LRFN5: variants seen among roughly 807,000 people sequenced by gnomAD.
The protein encoded by LRFN5 is leucine-rich repeat and fibronectin type-III domain-containing protein 5.
In LRFN5, 24 loss-of-function variants were observed where a neutral mutation model predicts 45.6. That is an observed-to-expected ratio of 0.53 (90% CI 0.38 to 0.74). The LOEUF (loss-of-function observed/expected upper bound fraction) is 0.74. LRFN5 is among the 30% of genes least tolerant of loss of function. The probability of loss-of-function intolerance (pLI) is 0.00; values close to 1 mark genes in which losing one functional copy is unlikely to be tolerated. For missense variants in LRFN5, 776 were observed against 861.5 expected, an observed-to-expected ratio of 0.90 and a Z score of 1.24; for synonymous variants, 340 against 313.8, an observed-to-expected ratio of 1.08 and a Z score of -0.88.
At chr14:41,860,376 TTTTG>T (rs1889619080) in intron 2 of LRFN5, among the ~76,000 whole-genome samples, 1 of 152,176 alleles carries the variant, frequency 6.6e-6, no homozygotes, top group African/African-American at 2.4e-5. Flanking sequence ...CCAATCTTAG[TTTTG>T]TTTTAGATTT....
chr14:41,705,957 C>CTACT (rs1883046740), intron 1 of LRFN5, among the ~76,000 whole-genome samples: 1 of 152,190 alleles, frequency 6.6e-6, no homozygotes, highest in South Asian at 2.1e-4. Context: ...GCCAACTTGA[C>CTACT]TACTGTGCCT....
Position 41,784,789 on chromosome 14 carries a change from C to T in LRFN5, c.-21+17760C>T, listed in dbSNP as rs542585909. Among the ~76,000 whole-genome samples, 8 of 151,980 alleles carry T rather than the reference C, an allele frequency of 5.3e-5. No individual in the cohort carries two copies. In the South Asian group the frequency reaches 6.2e-4, roughly 12 times the overall value. ...GATTACAGGTACGCACCACTATACC[C>T]GGCTAATTTTTGTATTTTTAGTAGA... On this transcript the variant is annotated intron_variant, in intron 2 of 5. Transcript: ENST00000298119.
intron 1 of LRFN5, among the ~76,000 whole-genome samples, chr14:41,696,201 A>C (rs1432016606): frequency 2.6e-5 from 4 of 151,912 alleles, no homozygotes; most frequent in African/African-American, 7.2e-5. Context: ...TCTCATGATA[A>C]AACTTGAATG....
intron 1 of LRFN5, among the ~76,000 whole-genome samples, chr14:41,757,325 C>T (rs1226779803): frequency 1.3e-5 from 2 of 152,190 alleles, no homozygotes; most frequent in Non-Finnish European, 2.9e-5. Context: ...TTTCTGCTGC[C>T]TTTTGTTTGG....
chr14:41,831,609 A>T (rs1888484779), intron 2 of LRFN5, among the ~76,000 whole-genome samples: 1 of 152,210 alleles, frequency 6.6e-6, no homozygotes, highest in African/African-American at 2.4e-5. Context: ...CTGTTACCTT[A>T]TGAGTATTTC....
intron 1 of LRFN5, among the ~76,000 whole-genome samples, chr14:41,679,482 T>C (rs534680772): frequency 1.3e-4 from 20 of 152,192 alleles, no homozygotes; most frequent in Admixed American, 3.3e-4. Flanking sequence ...AGGTCTCAGA[T>C]GACATTTCTA....
chr14:41,782,516 T>A (rs1383882983), intron 2 of LRFN5, among the ~76,000 whole-genome samples: 1 of 152,184 alleles, frequency 6.6e-6, no homozygotes, highest in Non-Finnish European at 1.5e-5. Context: ...ACCTGAGTCA[T>A]ATTTGAATCT....
intron 1 of LRFN5, among the ~76,000 whole-genome samples, chr14:41,609,139 C>G (rs911200085): frequency 1.3e-5 from 2 of 152,110 alleles, no homozygotes; most frequent in Admixed American, 6.5e-5. Flanking sequence ...CATATTGTCA[C>G]GGCTGTGTGT....
At chr14:41,631,312 A>G (rs1344132814) in intron 1 of LRFN5, among the ~76,000 whole-genome samples, 1 of 152,040 alleles carries the variant, frequency 6.6e-6, no homozygotes, top group Non-Finnish European at 1.5e-5. Context: ...TTGTTCCTGT[A>G]TCATTCCATA....
intron 2 of LRFN5, among the ~76,000 whole-genome samples, chr14:41,885,446 A>G (rs1035216675): frequency 6.6e-6 from 1 of 152,138 alleles, no homozygotes; most frequent in Non-Finnish European, 1.5e-5. Context: ...TATACTCAAG[A>G]TCAAACAGAA....
chr14:41,734,606 T>C (rs1441529544), intron 1 of LRFN5, among the ~76,000 whole-genome samples: 1 of 151,414 alleles, frequency 6.6e-6, no homozygotes, highest in Admixed American at 6.6e-5. Flanking sequence ...GTCTTTTTTT[T>C]TAATCCACTC....
intron 1 of LRFN5, among the ~76,000 whole-genome samples, chr14:41,744,608 A>T (rs1281065458): frequency 6.6e-6 from 1 of 152,128 alleles, no homozygotes; most frequent in Non-Finnish European, 1.5e-5. Context: ...AGAAACACAC[A>T]CACGCACACC....
intron 2 of LRFN5, among the ~76,000 whole-genome samples, chr14:41,772,506 G>T (rs1193226953): frequency 1.3e-5 from 2 of 152,110 alleles, no homozygotes; most frequent in African/African-American, 4.8e-5. Context: ...TAGTTTAAAT[G>T]ATATCAAAAG....
intron 2 of LRFN5, among the ~76,000 whole-genome samples, chr14:41,788,445 G>A (rs1028969504): frequency 3.9e-5 from 6 of 151,964 alleles, no homozygotes; most frequent in African/African-American, 7.2e-5. Flanking sequence ...CAGATATGGC[G>A]TAAGTATTGT....
intron 1 of LRFN5, among the ~76,000 whole-genome samples, chr14:41,711,797 A>G (rs531997029): frequency 2.0e-5 from 3 of 152,336 alleles, no homozygotes; most frequent in African/African-American, 7.2e-5. Flanking sequence ...ACCAAGAAGA[A>G]GTCAAAGAAA....
At chr14:41,826,875 ATAAG>A (rs1197223190) in intron 2 of LRFN5, among the ~76,000 whole-genome samples, 2 of 152,176 alleles carry the variant, frequency 1.3e-5, no homozygotes, top group African/African-American at 2.4e-5. Flanking sequence ...GATTCACAAA[ATAAG>A]TAATTATTTT....
At chr14:41,753,675 A>G (rs929369866) in intron 1 of LRFN5, among the ~76,000 whole-genome samples, 1 of 152,166 alleles carries the variant, frequency 6.6e-6, no homozygotes, top group African/African-American at 2.4e-5. Context: ...GGCTGAGACG[A>G]TGGGGTTTTC....
chr14:41,754,347 T>C (rs1255547489), intron 1 of LRFN5, among the ~76,000 whole-genome samples: 2 of 152,166 alleles, frequency 1.3e-5, no homozygotes, highest in Non-Finnish European at 2.9e-5. Flanking sequence ...TGGTACCAGC[T>C]CCTCCTTGTA....
chr14:41,812,719 T>C (rs1034325014), intron 2 of LRFN5, among the ~76,000 whole-genome samples: 15 of 152,074 alleles, frequency 9.9e-5, no homozygotes, highest in African/African-American at 3.4e-4. Context: ...ACAATAAAAT[T>C]TGTTAAATAA....
Sources: gnomAD v4.1 joint callset for allele counts (sites outside exome capture counted in the v4.1 genomes callset) on GRCh38, gnomAD v4.1.1 for gene constraint, MANE v1.5 for transcripts, NCBI Gene and HGNC (gene_info 2026-07-23, HGNC 2026-07-21) for gene names.